Variants in NDRG2 observed in about 807,000 individuals in gnomAD.
NDRG2 encodes the protein protein NDRG2.
Under a neutral mutation model 58.2 loss-of-function variants are expected in NDRG2, and 34 were observed. The observed-to-expected ratio is 0.58, with a 90% confidence interval of 0.44 to 0.78. NDRG2 has a LOEUF of 0.78. Ranked by LOEUF, NDRG2 falls within the 30% of genes least tolerant of loss-of-function variation. The probability of loss-of-function intolerance (pLI) is 0.00; values close to 1 mark genes in which losing one functional copy is unlikely to be tolerated. For missense variants in NDRG2, 434 were observed against 471.2 expected, an observed-to-expected ratio of 0.92 and a Z score of 0.73; for synonymous variants, 187 against 175.9, an observed-to-expected ratio of 1.06 and a Z score of -0.50.
chr14:21,022,417 A>G lies in NDRG2; in HGVS notation c.198T>C (p.Leu66=). ...GTPKPKRPAI[L]TYHDVGLNYK... ...AGTTGAGTCCCACATCGTGGTAGGT[A>G]AGGATCGCTGGGCGTTTGGGTTTGG... The change falls in exon 4 of 16, where the codon CTT becomes CTC. Residue 66 remains leucine, a synonymous_variant. Transcript: ENST00000556147. The G allele has an allele frequency of 6.2e-7, 1 of 1,613,956 alleles. No individual in the cohort carries two copies. The highest frequency in any genetic ancestry group is 8.5e-7 in the Non-Finnish European group (1 of 1,179,880).
At chr14:21,044,298 C>T (rs1344076570) in intron 1 of NDRG2, 1 of 154,382 alleles carries the variant, frequency 6.5e-6, no homozygotes, top group African/African-American at 2.4e-5. Context: ...ACTGCCCCTC[C>T]CGTTTCTCTA....
intron 2 of NDRG2, 56 bp from the exon 3 acceptor site, chr14:21,022,961 T>A: frequency 2.5e-6 from 4 of 1,599,324 alleles, no homozygotes; most frequent in Non-Finnish European, 3.4e-6. Context: ...GCGTCCCAGA[T>A]GGAGAGACAA....
chr14:21,049,126 C>T (rs764550530), intron 1 of NDRG2, among the ~76,000 whole-genome samples: 1 of 152,098 alleles, frequency 6.6e-6, no homozygotes, highest in Non-Finnish European at 1.5e-5. Context: ...GTATTCCCTC[C>T]CATCCAAAGG....
chr14:21,043,093 C>T (rs749191721), intron 1 of NDRG2: 1 of 1,614,176 alleles, frequency 6.2e-7, no homozygotes, highest in Non-Finnish European at 8.5e-7. Flanking sequence ...AAGGGCATGA[C>T]CTCATCACAG....
intron 1 of NDRG2, among the ~76,000 whole-genome samples, chr14:21,040,600 T>C (rs1358070157): frequency 1.3e-5 from 2 of 152,194 alleles, no homozygotes; most frequent in Non-Finnish European, 1.5e-5. Flanking sequence ...CTTCAAATGG[T>C]CCGTAAGTCT....
intron 2 of NDRG2, 68 bp from the exon 3 acceptor site, chr14:21,022,973 C>G (rs1315840672): frequency 3.2e-6 from 5 of 1,575,294 alleles, no homozygotes; most frequent in Non-Finnish European, 4.4e-6. Flanking sequence ...GAGAGACAAA[C>G]AGACAAAGAG....
At chr14:21,028,022 A>G (rs1263174230), upstream of NDRG2, among the ~76,000 whole-genome samples, 3 of 152,232 alleles carry the variant, frequency 2.0e-5, no homozygotes, top group Non-Finnish European at 4.4e-5. Flanking sequence ...CTCACTGTAC[A>G]GATGAGAAAA....
At chr14:21,043,759 G>C (rs1308995134) in intron 1 of NDRG2, 1 of 314,398 alleles carries the variant, frequency 3.2e-6, no homozygotes, top group African/African-American at 2.2e-5. Flanking sequence ...CATTAGGGCA[G>C]CATGACAAGG....
intron 8 of NDRG2, 94 bp downstream of exon 8, chr14:21,020,400 TCA>T: frequency 1.1e-6 from 1 of 950,718 alleles, no homozygotes; most frequent in South Asian, 1.4e-5. Flanking sequence ...TCCTTGAAGT[TCA>T]GAGTCCATCC....
intron 1 of NDRG2, among the ~76,000 whole-genome samples, chr14:21,037,753 T>C (rs1413017745): frequency 1.3e-5 from 2 of 152,264 alleles, no homozygotes; most frequent in South Asian, 4.1e-4. Context: ...GTTAAACAAA[T>C]GTTGATTGTA....
chr14:21,030,194 C>G (rs777527648), upstream of NDRG2: 6 of 186,878 alleles, frequency 3.2e-5, no homozygotes, highest in Non-Finnish European at 5.5e-5. Context: ...ATAGAATCTT[C>G]CCTCTCCTCC....
chr14:21,022,842 G>C, intron 3 of NDRG2, 22 bp downstream of exon 3: 1 of 1,612,250 alleles, frequency 6.2e-7, no homozygotes, highest in Non-Finnish European at 8.5e-7. Context: ...CTCCCACCTT[G>C]GGACTGCCCC....
chr14:21,045,740 G>A (rs979276435), intron 1 of NDRG2, among the ~76,000 whole-genome samples: 2 of 152,160 alleles, frequency 1.3e-5, no homozygotes, highest in African/African-American at 4.8e-5. Flanking sequence ...CTTGAAACTT[G>A]ACCTAATATA....
At chr14:21,026,020 G>A (rs1883564759), upstream of NDRG2, among the ~76,000 whole-genome samples, 1 of 152,032 alleles carries the variant, frequency 6.6e-6, no homozygotes, top group Admixed American at 6.5e-5. Flanking sequence ...ACCCCTCCCA[G>A]TCCGGCCCAG....
upstream of NDRG2, chr14:21,025,129 C>T (rs1883216658): frequency 1.0e-6 from 1 of 982,756 alleles, no homozygotes; most frequent in Admixed American, 6.1e-5. The surrounding 1 kb of genome is among the most constrained non-coding windows in gnomAD (Gnocchi z 5.1). Context: ...CCCAGCCCGC[C>T]CACGGGCGCT....
Position 21,018,475 on chromosome 14 carries a change from G to C in NDRG2, c.843C>G (p.Thr281=), listed in dbSNP as rs1373928333. The C allele has an allele frequency of 6.2e-7, 1 of 1,614,062 alleles. No individual in the cohort carries two copies. The highest frequency in any genetic ancestry group is 2.2e-5 in the East Asian group (1 of 44,882). The change falls in exon 13 of 16, where the codon ACC becomes ACG. Residue 281 remains threonine (T), a synonymous_variant. Coordinates refer to ENST00000556147, the MANE Select transcript of NDRG2 (RefSeq NM_001320329.2). ...VVECNSKLDP[T]QTSFLKMADS... is the part of the protein sequence containing the mutation. ...TACTGACCTTGAGGAACGAGGTCTG[G>C]GTGGGGTCCAGTTTTGAGTTACATT...
At chr14:21,020,639 C>T (rs943479649) in intron 7 of NDRG2, 57 bp from the exon 8 acceptor site, 17 of 1,594,100 alleles carry the variant, frequency 1.1e-5, no homozygotes, top group African/African-American at 4.0e-5. Flanking sequence ...ATCCCCTCCC[C>T]GCTAAGCTCG....
intron 1 of NDRG2, among the ~76,000 whole-genome samples, chr14:21,059,607 G>A (rs75651398): frequency 0.015 from 2,220 of 151,962 alleles, 57 homozygotes; most frequent in African/African-American, 0.051. Context: ...TGATCCTCCC[G>A]TCTCAGCCTC....
intron 1 of NDRG2, among the ~76,000 whole-genome samples, chr14:21,059,369 G>A (rs571704305): frequency 9.9e-5 from 15 of 152,080 alleles, no homozygotes; most frequent in Admixed American, 9.8e-4. Flanking sequence ...TGAATTACTA[G>A]AAAATGAAAT....
Sources: gnomAD v4.1 joint callset for allele counts (sites outside exome capture counted in the v4.1 genomes callset) on GRCh38, gnomAD v4.1.1 for gene constraint, Gnocchi (gnomAD v3.1) non-coding constraint, MANE v1.5 for transcripts, NCBI Gene and HGNC (gene_info 2026-07-23, HGNC 2026-07-21) for gene names.